Variants in DCLK2 observed in about 807,000 individuals in gnomAD.
DCLK2 encodes doublecortin like kinase 2, also known as serine/threonine-protein kinase DCLK2.
Under a neutral mutation model 78.4 loss-of-function variants are expected in DCLK2, and 31 were observed. The ratio of observed to expected loss-of-function variants is 0.40; its 90% CI spans 0.30 to 0.53. The LOEUF (loss-of-function observed/expected upper bound fraction) is 0.53, where lower values mean the gene tolerates loss of function less well. Ranked by LOEUF, DCLK2 falls within the 20% of genes least tolerant of loss-of-function variation. DCLK2 has a pLI of 0.61. For missense variants in DCLK2, 872 were observed against 973.7 expected (o/e 0.90, Z 1.39); for synonymous variants, 407 against 374.9 (o/e 1.09, Z -0.99).
At chr4:150,220,854 GT>G in intron 6 of DCLK2, 76 bp downstream of exon 6, 1 of 1,187,310 alleles carries the variant, frequency 8.4e-7, no homozygotes, top group Non-Finnish European at 1.2e-6. Context: ...AAACTCACTT[GT>G]GCTAAATTAC....
rs181178297 is a variant in DCLK2 at position 150,106,491 on chromosome 4, G to A, written c.756+3679G>A. ...AGGAATGAGAAAGGAACTAAGATCC[G>A]TTGATAAGTTGTCTGTGTACAAAAT... On this transcript the variant is annotated intron_variant, in intron 2 of 15. Transcript: ENST00000296550. Among the ~76,000 whole-genome samples, 82 of 152,302 alleles carry A rather than the reference G, an allele frequency of 5.4e-4. 1 individual carries two copies. Among genetic ancestry groups the A allele is most frequent in the Admixed American group, 4.6e-3 (71 of 15,300 alleles).
intron 5 of DCLK2, among the ~76,000 whole-genome samples, chr4:150,212,343 A>G (rs1010542055): frequency 6.6e-6 from 1 of 152,242 alleles, no homozygotes; most frequent in Non-Finnish European, 1.5e-5. Flanking sequence ...GCTAAAATGT[A>G]ACTCTTCGAC....
intron 2 of DCLK2, among the ~76,000 whole-genome samples, chr4:150,147,317 A>G (rs1192548800): frequency 6.6e-6 from 1 of 151,994 alleles, no homozygotes; most frequent in Non-Finnish European, 1.5e-5. Flanking sequence ...AGAAAACAAG[A>G]ATAAATGTAA....
intron 1 of DCLK2, among the ~76,000 whole-genome samples, chr4:150,088,414 ATATC>A (rs1480098102): frequency 3.4e-5 from 5 of 149,186 alleles, no homozygotes; most frequent in African/African-American, 1.2e-4. Flanking sequence ...TTTCGTATAT[ATATC>A]TTTTTTTTTC....
chr4:150,113,309 A>G (rs1731836808), intron 2 of DCLK2, among the ~76,000 whole-genome samples: 1 of 152,188 alleles, frequency 6.6e-6, no homozygotes, highest in Non-Finnish European at 1.5e-5. Context: ...AATAGTTTCA[A>G]TAGGATTTGT....
intron 2 of DCLK2, among the ~76,000 whole-genome samples, chr4:150,110,178 A>G (rs934173429): frequency 6.6e-6 from 1 of 152,214 alleles, no homozygotes; most frequent in African/African-American, 2.4e-5. Context: ...TGTAGGTGGG[A>G]TAAAAATGAC....
chr4:150,152,749 T>C (rs529994076), intron 2 of DCLK2, among the ~76,000 whole-genome samples: 36 of 152,350 alleles, frequency 2.4e-4, no homozygotes, highest in Non-Finnish European at 1.3e-4. Context: ...ATATGCATTA[T>C]TGCTGTTCAA....
chr4:150,128,546 C>T (rs950007346), intron 2 of DCLK2, among the ~76,000 whole-genome samples: 5 of 152,088 alleles, frequency 3.3e-5, no homozygotes, highest in East Asian at 1.9e-4. Context: ...AATGAGTTTA[C>T]GAAGATGATC....
At chr4:150,095,316 A>G (rs1485988463) in intron 1 of DCLK2, among the ~76,000 whole-genome samples, 1 of 152,186 alleles carries the variant, frequency 6.6e-6, no homozygotes. Context: ...TTTACCGCCT[A>G]TGAAGGCATC....
intron 5 of DCLK2, among the ~76,000 whole-genome samples, chr4:150,216,910 T>C (rs1740765606): frequency 6.6e-6 from 1 of 152,168 alleles, no homozygotes; most frequent in South Asian, 2.1e-4. Flanking sequence ...CAATTATGAA[T>C]GGCATCCTGA....
At chr4:150,193,013 A>G (rs1033539751) in intron 2 of DCLK2, 125 bp from the exon 3 acceptor site, 1 of 610,482 alleles carries the variant, frequency 1.6e-6, no homozygotes, top group Non-Finnish European at 2.9e-6. Flanking sequence ...AAACGTAGTT[A>G]TATTACACAG....
chr4:150,159,631 G>T lies in DCLK2; in HGVS notation c.757-33507G>T, dbSNP rs533734026. 8.5e-5 allele frequency among the ~76,000 whole-genome samples: 13 copies of T among 152,350 alleles called. No individual in the cohort carries two copies. In the South Asian group the frequency reaches 1.4e-3, roughly 17 times the overall value. On this transcript the variant is annotated intron_variant, in intron 2 of 15. Transcript: ENST00000296550. ...TCTTTGAGCAGGGCTTTCATGATGT[G>T]CAGTAATATCATAATTAAAATCTTC... is the stretch of plus-strand genomic sequence containing the variant.
intron 2 of DCLK2, 84 bp downstream of exon 2, chr4:150,102,896 T>C: frequency 1.6e-6 from 2 of 1,281,346 alleles, no homozygotes; most frequent in Admixed American, 5.1e-5. Context: ...AATAGAAATT[T>C]AGTAGTGTGC....
chr4:150,193,009 A>G (rs904458016), intron 2 of DCLK2, 129 bp from the exon 3 acceptor site: 3 of 583,588 alleles, frequency 5.1e-6, no homozygotes, highest in African/African-American at 3.7e-5. Context: ...TTAGAAACGT[A>G]GTTATATTAC....
At chr4:150,248,805 A>G (rs972716728) in intron 14 of DCLK2, among the ~76,000 whole-genome samples, 5 of 152,000 alleles carry the variant, frequency 3.3e-5, no homozygotes, top group African/African-American at 1.2e-4. Context: ...CTTGCTGTTG[A>G]TGGGGAGGCT....
chr4:150,113,614 A>C (rs1329378478), intron 2 of DCLK2, among the ~76,000 whole-genome samples: 1 of 151,362 alleles, frequency 6.6e-6, no homozygotes, highest in African/African-American at 2.4e-5. Flanking sequence ...TTTCATTTCA[A>C]ATTGAGTGTA....
intron 2 of DCLK2, among the ~76,000 whole-genome samples, chr4:150,113,248 C>T (rs1023287857): frequency 1.3e-5 from 2 of 152,234 alleles, no homozygotes; most frequent in Admixed American, 1.3e-4. Context: ...CAGGCTAGTA[C>T]TGGGTTAATG....
intron 2 of DCLK2, among the ~76,000 whole-genome samples, chr4:150,187,892 C>G (rs1205872982): frequency 6.6e-6 from 1 of 151,582 alleles, no homozygotes; most frequent in Non-Finnish European, 1.5e-5. Context: ...CTCTGCCTCC[C>G]CGGTTCAAGC....
chr4:150,093,848 A>G (rs1730272487), intron 1 of DCLK2, among the ~76,000 whole-genome samples: 2 of 152,246 alleles, frequency 1.3e-5, no homozygotes, highest in Admixed American at 6.5e-5. Context: ...TTATGATACT[A>G]TCATAAAAAC....
Sources: gnomAD v4.1 joint callset for allele counts (sites outside exome capture counted in the v4.1 genomes callset) on GRCh38, gnomAD v4.1.1 for gene constraint, MANE v1.5 for transcripts, NCBI Gene and HGNC (gene_info 2026-07-23, HGNC 2026-07-21) for gene names.